TTC28: variants seen among roughly 807,000 people sequenced by gnomAD.
TTC28 encodes tetratricopeptide repeat protein 28.
A neutral mutation model predicts 198.0 loss-of-function variants in TTC28; 61 were observed. The ratio of observed to expected loss-of-function variants is 0.31; its 90% CI spans 0.25 to 0.38. The LOEUF (loss-of-function observed/expected upper bound fraction) is 0.38. Ranked by LOEUF, TTC28 falls within the 10% of genes least tolerant of loss-of-function variation. The pLI, the probability that TTC28 is intolerant of heterozygous loss-of-function variation, is 1.00. For missense variants in TTC28, 2,678 were observed against 3,164.0 expected, an observed-to-expected ratio of 0.85 and a Z score of 3.69; for synonymous variants, 1,171 against 1,297.8, an observed-to-expected ratio of 0.90 and a Z score of 2.10.
intron 5 of TTC28, among the ~76,000 whole-genome samples, chr22:28,261,953 C>T (rs909509468): frequency 1.8e-4 from 27 of 152,290 alleles, no homozygotes; most frequent in Middle Eastern, 3.4e-3. Flanking sequence ...TATTCTAAGA[C>T]TCTGTATCAG....
intron 10 of TTC28, among the ~76,000 whole-genome samples, chr22:28,097,974 C>T (rs1942024353): frequency 6.6e-6 from 1 of 152,172 alleles, no homozygotes; most frequent in African/African-American, 2.4e-5. Context: ...AAATTTGAGT[C>T]CTTCCTATAC....
At chr22:28,552,912 G>A (rs9613648) in intron 2 of TTC28, among the ~76,000 whole-genome samples, 2,520 of 152,116 alleles carry the variant, frequency 0.017, 47 homozygotes, top group Non-Finnish European at 0.023. Context: ...TCAGCCTGTC[G>A]AGTGCCTGTG....
chr22:28,317,980 T>C (rs1212745510), intron 2 of TTC28, among the ~76,000 whole-genome samples: 1 of 152,006 alleles, frequency 6.6e-6, no homozygotes, highest in Non-Finnish European at 1.5e-5. Context: ...CATGGTTCAC[T>C]GCATCCTTGA....
intron 2 of TTC28, among the ~76,000 whole-genome samples, chr22:28,593,141 C>G (rs373946287): frequency 2.7e-5 from 4 of 148,366 alleles, no homozygotes; most frequent in Non-Finnish European, 5.9e-5. Context: ...ATGGCAGAAG[C>G]TTTCCCAGAG....
intron 1 of TTC28, among the ~76,000 whole-genome samples, chr22:28,635,898 C>G (rs1838615634): frequency 6.6e-6 from 1 of 151,944 alleles, no homozygotes; most frequent in African/African-American, 2.4e-5. Flanking sequence ...TACTAGGTCT[C>G]CAGAACTTAT....
intron 2 of TTC28, among the ~76,000 whole-genome samples, chr22:28,412,453 A>G (rs1601361117): frequency 6.6e-6 from 1 of 152,136 alleles, no homozygotes; most frequent in Non-Finnish European, 1.5e-5. Flanking sequence ...CTAAAAACCA[A>G]AACTCCTTAG....
chr22:28,448,949 CA>C (rs1420013020), intron 2 of TTC28, among the ~76,000 whole-genome samples: 1 of 152,114 alleles, frequency 6.6e-6, no homozygotes, highest in African/African-American at 2.4e-5. Context: ...TGTGAGAAAA[CA>C]AAAATGAACC....
At chr22:28,335,601 T>C (rs993442359) in intron 2 of TTC28, among the ~76,000 whole-genome samples, 2 of 152,194 alleles carry the variant, frequency 1.3e-5, no homozygotes, top group Non-Finnish European at 2.9e-5. Flanking sequence ...TTTGAAGCAA[T>C]TGTGAATGGG....
At chr22:28,219,216 AT>A (rs1927648696) in intron 5 of TTC28, among the ~76,000 whole-genome samples, 1 of 152,112 alleles carries the variant, frequency 6.6e-6, no homozygotes, top group Non-Finnish European at 1.5e-5. Context: ...GAAAAAAAAA[AT>A]ACCCACTTCG....
intron 2 of TTC28, among the ~76,000 whole-genome samples, chr22:28,452,313 C>A (rs1467192626): frequency 6.8e-6 from 1 of 146,644 alleles, no homozygotes; most frequent in African/African-American, 2.6e-5. Context: ...TCGCTTGAAC[C>A]CAGGAGGCAG....
intron 2 of TTC28, among the ~76,000 whole-genome samples, chr22:28,325,196 A>C (rs796265381): frequency 6.6e-5 from 10 of 152,084 alleles, no homozygotes; most frequent in African/African-American, 2.4e-4. Flanking sequence ...TTCCTGGTTT[A>C]GTCTTGGGAG....
intron 2 of TTC28, among the ~76,000 whole-genome samples, chr22:28,575,144 T>C (rs992884441): frequency 1.3e-5 from 2 of 152,206 alleles, no homozygotes; most frequent in Non-Finnish European, 1.5e-5. Flanking sequence ...TTTCTTTTAG[T>C]AGTTTCATAG....
At chr22:28,573,896 G>A (rs1168863932) in intron 2 of TTC28, among the ~76,000 whole-genome samples, 1 of 150,890 alleles carries the variant, frequency 6.6e-6, no homozygotes. Flanking sequence ...CTCTATCTCT[G>A]TGAGTTCAAT....
chr22:28,631,504 T>A (rs183553241), intron 1 of TTC28, among the ~76,000 whole-genome samples: 1 of 152,276 alleles, frequency 6.6e-6, no homozygotes, highest in East Asian at 1.9e-4. Flanking sequence ...AGCAAACGTG[T>A]CAAGTGTTTT....
chr22:28,247,173 G>A (rs963187077), intron 5 of TTC28, among the ~76,000 whole-genome samples: 2 of 152,132 alleles, frequency 1.3e-5, no homozygotes, highest in South Asian at 2.1e-4. Context: ...GACTGCCAGG[G>A]ACAACACTCA....
intron 5 of TTC28, among the ~76,000 whole-genome samples, chr22:28,284,881 T>C (rs1047447410): frequency 2.6e-5 from 4 of 152,178 alleles, no homozygotes; most frequent in Non-Finnish European, 5.9e-5. Context: ...AGAAAATGCT[T>C]GTGCACTGCT....
intron 2 of TTC28, among the ~76,000 whole-genome samples, chr22:28,584,163 T>C (rs935864572): frequency 6.6e-6 from 1 of 152,166 alleles, no homozygotes; most frequent in East Asian, 1.9e-4. Flanking sequence ...TTTTTTCTTC[T>C]GAAATAGCCT....
intron 12 of TTC28, among the ~76,000 whole-genome samples, chr22:28,070,934 C>T (rs928948275): frequency 2.0e-5 from 3 of 152,168 alleles, no homozygotes; most frequent in African/African-American, 7.2e-5. Flanking sequence ...TGGGCTTTAG[C>T]TGCAAGCATC....
chr22:28,011,493 G>A (rs567211316), intron 14 of TTC28, among the ~76,000 whole-genome samples: 3 of 152,148 alleles, frequency 2.0e-5, no homozygotes, highest in Non-Finnish European at 4.4e-5. Context: ...CTATTCAGGA[G>A]GCTGAGGTCA....
Sources: allele counts gnomAD v4.1 joint callset (sites outside exome capture counted in the v4.1 genomes callset), GRCh38; gene constraint gnomAD v4.1.1; transcripts MANE v1.5; gene names NCBI Gene and HGNC (gene_info 2026-07-23, HGNC 2026-07-21).